GCLC: variants seen among roughly 807,000 people sequenced by gnomAD.
GCLC encodes glutamate--cysteine ligase catalytic subunit.
In GCLC, 30 loss-of-function variants were observed where a neutral mutation model predicts 81.5. That is an observed-to-expected ratio of 0.37 (90% CI 0.28 to 0.50). The LOEUF (loss-of-function observed/expected upper bound fraction) is 0.50, where lower values mean the gene tolerates loss of function less well. GCLC is among the 20% of genes least tolerant of loss of function. GCLC has a pLI of 0.96. For missense variants in GCLC, 556 were observed against 777.4 expected (o/e 0.72, Z 3.39); for synonymous variants, 262 against 273.3 (o/e 0.96, Z 0.41).
intron 6 of GCLC, among the ~76,000 whole-genome samples, chr6:53,512,012 G>A (rs913003641): frequency 1.4e-5 from 2 of 147,074 alleles, no homozygotes; most frequent in East Asian, 2.0e-4. Context: ...GCAGTGGCAC[G>A]ATCTTGGCTC....
In GCLC at chr6:53,498,753, T is replaced by C. The variant is rs1323906990; in HGVS notation, c.*3A>G. ...ATAATGCATTTTTCTTTCTGTAGAA[T>C]GTCTAGTTGGATGAGTCAGTTTTAC... On this transcript the variant is annotated 3_prime_UTR_variant, in exon 16 of 16. Transcript: ENST00000650454. 6.4e-7 allele frequency: 1 copy of C among 1,571,664 alleles called. No homozygotes were observed. Among genetic ancestry groups the C allele is most frequent in the Admixed American group, 1.7e-5 (1 of 59,946 alleles).
Position 53,500,530 on chromosome 6 carries a change from A to T in GCLC, c.1396-17T>A. ...CTCATCAACCTAAGGGAAAAAAAGAATCACGACTAAGTCAAAATATTCTTG... is the reference window on the plus strand; with the variant it reads ...CTCATCAACCTAAGGGAAAAAAAGATTCACGACTAAGTCAAAATATTCTTG... On this transcript the variant is annotated splice_polypyrimidine_tract_variant and intron_variant, in intron 12 of 15. Transcript: ENST00000650454. The T allele has an allele frequency of 6.4e-7, 1 of 1,550,890 alleles. No homozygotes were observed. The highest frequency in any genetic ancestry group is 8.9e-7 in the Non-Finnish European group (1 of 1,124,060).
At chr6:53,505,718 C>T (rs1461762841) in intron 11 of GCLC, 85 bp downstream of exon 11, 4 of 854,734 alleles carry the variant, frequency 4.7e-6, no homozygotes, top group Non-Finnish European at 4.1e-6. Context: ...TATATAAGAG[C>T]CTTCTCATAG....
intron 1 of GCLC, among the ~76,000 whole-genome samples, chr6:53,538,041 T>C (rs2127630726): frequency 6.6e-6 from 1 of 152,176 alleles, no homozygotes; most frequent in African/African-American, 2.4e-5. Flanking sequence ...AATAATTGTG[T>C]TTTTGTCCAT....
At chr6:53,523,433 A>G (rs1440446311) in intron 1 of GCLC, 2 of 152,264 alleles carry the variant, frequency 1.3e-5, no homozygotes, top group Non-Finnish European at 2.9e-5. Context: ...CAATACAATT[A>G]CTACAGAGGT....
chr6:53,517,798 T>C (rs1692686158), intron 3 of GCLC, among the ~76,000 whole-genome samples: 3 of 152,170 alleles, frequency 2.0e-5, no homozygotes, highest in Admixed American at 2.0e-4. Context: ...ATCTCCACTA[T>C]CCAAACCGAT....
At chr6:53,504,755 G>A (rs1199572819) in intron 12 of GCLC, among the ~76,000 whole-genome samples, 1 of 152,154 alleles carries the variant, frequency 6.6e-6, no homozygotes, top group Non-Finnish European at 1.5e-5. Flanking sequence ...CTGTGACAGG[G>A]CTACCCTACT....
intron 6 of GCLC, chr6:53,510,200 T>C (rs959659613): frequency 1.3e-5 from 2 of 152,008 alleles, no homozygotes; most frequent in African/African-American, 2.4e-5. Flanking sequence ...CATGACATGA[T>C]GGACTTACGA....
In GCLC at chr6:53,538,830, C is replaced by T. The variant is rs187139082; in HGVS notation, c.150+5666G>A. On this transcript the variant is annotated intron_variant, in intron 1 of 15. Coordinates refer to ENST00000650454, the MANE Select transcript of GCLC (RefSeq NM_001498.4). ...CTTCAAGAGCCACTGCACTGGGTTACAAACTTAGAAGTAAAAGTTTAGTTT... is the reference window on the plus strand; with the variant it reads ...CTTCAAGAGCCACTGCACTGGGTTATAAACTTAGAAGTAAAAGTTTAGTTT... 4.6e-5 allele frequency among the ~76,000 whole-genome samples: 7 copies of T among 152,344 alleles called. No homozygotes were observed. In the South Asian group the frequency reaches 1.0e-3, roughly 23 times the overall value.
At chr6:53,514,022 T>C (rs976890902) in intron 6 of GCLC, 182 bp downstream of exon 6, 18 of 630,212 alleles carry the variant, frequency 2.9e-5, no homozygotes, top group Non-Finnish European at 3.9e-5. Flanking sequence ...GTAGAACTAT[T>C]AGTCATAGAC....
chr6:53,523,239 T>C (rs1252413705), intron 1 of GCLC: 1 of 152,260 alleles, frequency 6.6e-6, no homozygotes, highest in Non-Finnish European at 1.5e-5. Flanking sequence ...CTGGGCAGAA[T>C]ACAACTAGAA....
At chr6:53,517,079 A>ATTTTTTT (rs71546114) in intron 3 of GCLC, among the ~76,000 whole-genome samples, 7 of 104,412 alleles carry the variant, frequency 6.7e-5, no homozygotes, top group Non-Finnish European at 7.2e-5. Context: ...TTAAAAAAAA[A>ATTTTTTT]TTTTTTTTTT....
chr6:53,514,426 T>C lies in GCLC; in HGVS notation c.619+13A>G. The C allele has an allele frequency of 6.2e-7, 1 of 1,607,448 alleles. No individual in the cohort carries two copies. The highest frequency in any genetic ancestry group is 1.1e-5 in the South Asian group (1 of 90,928). Reference sequence around the variant, plus strand: ...TGTCTCTCTCCCACCCCACCACCTCTCAGTAGACTTACTTGGTACATTGAT... The same window carrying C: ...TGTCTCTCTCCCACCCCACCACCTCCCAGTAGACTTACTTGGTACATTGAT... On this transcript the variant is annotated intron_variant, in intron 5 of 15. Coordinates refer to ENST00000650454, the MANE Select transcript of GCLC (RefSeq NM_001498.4).
In GCLC at chr6:53,538,136, C is replaced by CTTTTTTT. The variant is rs10588842; in HGVS notation, c.150+6353_150+6359dup. Reference sequence around the variant, plus strand: ...AGCTAGGCATTTTCTTTTTTCTTTCCTTTTTTTTTTTTTTTTTTTTTTTTT... The same window carrying CTTTTTTT: ...AGCTAGGCATTTTCTTTTTTCTTTCCTTTTTTTTTTTTTTTTTTTTTTTTTTTTTTTT... On this transcript the variant is annotated intron_variant, in intron 1 of 15. Transcript: ENST00000650454. Among the ~76,000 whole-genome samples, 12 of 78,910 alleles carry CTTTTTTT rather than the reference C, an allele frequency of 1.5e-4. No homozygotes were observed. In the East Asian group the frequency reaches 2.9e-3, roughly 19 times the overall value. The allele number at this position is 78,910 out of a possible 152,430, so 51.8% of individuals were successfully genotyped here.
chr6:53,527,300 C>T (rs1322257470), intron 1 of GCLC, among the ~76,000 whole-genome samples: 2 of 152,214 alleles, frequency 1.3e-5, no homozygotes, highest in Non-Finnish European at 2.9e-5. Flanking sequence ...ACACTGCTGG[C>T]TCTCTTGCAA....
Position 53,516,146 on chromosome 6 carries a change from A to G in GCLC, c.523T>C (p.Phe175Leu), listed in dbSNP as rs1319785324. 2 of 1,613,508 alleles carry G rather than the reference A, an allele frequency of 1.2e-6. No individual in the cohort carries two copies. The highest frequency in any genetic ancestry group is 2.7e-5 in the African/African-American group (2 of 74,928). ...TGCTTGTTTATTGCTTCATCTGGAA[A>G]GAAGAGGGACTTGGAAGCTCCTCCT... ...VEGGASKSLF[F>L]PDEAINKHPR... Residue 175 changes from phenylalanine to leucine, a missense_variant, in exon 4 of 16, where the codon TTT becomes CTT. This residue lies in a region of GCLC where 234 missense variants were observed against 303.8 expected (regional missense o/e 0.77). Coordinates refer to ENST00000650454, the MANE Select transcript of GCLC (RefSeq NM_001498.4).
intron 1 of GCLC, among the ~76,000 whole-genome samples, chr6:53,532,574 T>G (rs902021211): frequency 6.6e-6 from 1 of 152,216 alleles, no homozygotes; most frequent in Non-Finnish European, 1.5e-5. Flanking sequence ...GCAGCTTCTA[T>G]GACCTTTTCT....
At chr6:53,539,329 G>T (rs556688510) in intron 1 of GCLC, among the ~76,000 whole-genome samples, 1 of 152,282 alleles carries the variant, frequency 6.6e-6, no homozygotes, top group Non-Finnish European at 1.5e-5. Flanking sequence ...AGTAAATGGT[G>T]GCTAGAGTTA....
intron 6 of GCLC, among the ~76,000 whole-genome samples, chr6:53,511,207 G>GGA (rs1465608580): frequency 6.8e-6 from 1 of 147,132 alleles, no homozygotes; most frequent in Non-Finnish European, 1.5e-5. Flanking sequence ...AAAGTGGGGG[G>GGA]GGGGTGCTAA....
Sources: allele counts gnomAD v4.1 joint callset (sites outside exome capture counted in the v4.1 genomes callset), GRCh38; gene constraint gnomAD v4.1.1; regional missense constraint gnomAD v4.1.1; transcripts MANE v1.5; gene names NCBI Gene and HGNC (gene_info 2026-07-23, HGNC 2026-07-21).